The following PTGER3 variants were observed in gnomAD, a reference collection of about 807,000 sequenced individuals.
PTGER3 encodes the protein prostaglandin E2 receptor EP3 subtype.
In PTGER3, 22 loss-of-function variants were observed where a neutral mutation model predicts 34.7. That is an observed-to-expected ratio of 0.63 (90% CI 0.45 to 0.91). The LOEUF (loss-of-function observed/expected upper bound fraction) is 0.91. Among genes scored for constraint, PTGER3 ranks in the 40% least tolerant of loss-of-function variants. PTGER3 has a pLI of 0.00. For missense variants in PTGER3, 468 were observed against 519.4 expected (o/e 0.90, Z 0.96); for synonymous variants, 241 against 230.1 (o/e 1.05, Z -0.43).
At chr1:70,953,747 T>C in intron 3 of PTGER3, 3 of 1,530,510 alleles carry the variant, frequency 2.0e-6, no homozygotes, top group Non-Finnish European at 2.6e-6. Context: ...GTTTTAATAC[T>C]ATCTTTGCAA....
chr1:70,927,773 G>A (rs1298783985), intron 4 of PTGER3, among the ~76,000 whole-genome samples: 1 of 152,038 alleles, frequency 6.6e-6, no homozygotes, highest in Non-Finnish European at 1.5e-5. Context: ...AAGAGAACAG[G>A]AAAATATGAA....
At chr1:71,011,417 T>C in intron 2 of PTGER3, 5 of 985,226 alleles carry the variant, frequency 5.1e-6, no homozygotes, top group Non-Finnish European at 6.0e-6. Context: ...ATATTCAGAG[T>C]ACCTATAGTT....
chr1:70,985,767 A>C (rs539094299), intron 2 of PTGER3, among the ~76,000 whole-genome samples: 1 of 152,122 alleles, frequency 6.6e-6, no homozygotes, highest in African/African-American at 2.4e-5. Context: ...TTAAGTTTTC[A>C]TTTCTATGTT....
chr1:70,904,160 G>T (rs1179993451), intron 4 of PTGER3, among the ~76,000 whole-genome samples: 1 of 152,164 alleles, frequency 6.6e-6, no homozygotes, highest in Non-Finnish European at 1.5e-5. Context: ...GATGTGACTT[G>T]CTCCTCCTTG....
At chr1:70,979,878 T>C (rs545933970) in intron 2 of PTGER3, among the ~76,000 whole-genome samples, 4 of 152,310 alleles carry the variant, frequency 2.6e-5, no homozygotes, top group Admixed American at 2.6e-4. Flanking sequence ...GCACTGCTTC[T>C]TGAATCTTCA....
In PTGER3 at chr1:70,905,663, C is replaced by T. The variant is rs144641733; in HGVS notation, c.*23+48100G>A. On this transcript the variant is annotated intron_variant, in intron 4 of 4. Coordinates refer to the PTGER3 transcript ENST00000370931. Reference sequence around the variant, plus strand: ...ATTGGGAGTGGCTGTATCTACCCAACGCCTGTACCCTCATTGTATCTAGGA... The same window carrying T: ...ATTGGGAGTGGCTGTATCTACCCAATGCCTGTACCCTCATTGTATCTAGGA... Among the ~76,000 whole-genome samples the T allele has an allele frequency of 2.7e-3, 408 of 152,096 alleles. 2 individuals are homozygous for T. The highest frequency in any genetic ancestry group is 5.0e-3 in the South Asian group (24 of 4,818).
intron 4 of PTGER3, among the ~76,000 whole-genome samples, chr1:70,888,602 G>A (rs997341830): frequency 4.6e-5 from 7 of 152,060 alleles, no homozygotes; most frequent in African/African-American, 1.7e-4. Context: ...TAGATCTCTA[G>A]ACTTATTTAT....
At chr1:71,037,669 C>G (rs1049130779) in intron 1 of PTGER3, among the ~76,000 whole-genome samples, 2 of 152,094 alleles carry the variant, frequency 1.3e-5, no homozygotes, top group Non-Finnish European at 2.9e-5. Flanking sequence ...GAAGTGAGAA[C>G]TGAAAGGAGG....
chr1:71,007,378 G>C, intron 2 of PTGER3: 1 of 985,842 alleles, frequency 1.0e-6, no homozygotes, highest in Non-Finnish European at 1.2e-6. Context: ...TTTCAAGGAA[G>C]AGTTGGGAAG....
downstream of PTGER3, among the ~76,000 whole-genome samples, chr1:70,947,855 A>G (rs137995353): frequency 6.5e-3 from 997 of 152,308 alleles, 9 homozygotes; most frequent in Middle Eastern, 0.017. Context: ...TGTTCTAAAA[A>G]TGTTTACATA....
At chr1:70,852,909 A>C in intron 4 of PTGER3, 1 of 1,566,422 alleles carries the variant, frequency 6.4e-7, no homozygotes, top group Non-Finnish European at 8.8e-7. Context: ...ATGCACTGTT[A>C]ATATCTTAAA....
chr1:70,864,518 C>G (rs561717456), intron 4 of PTGER3, among the ~76,000 whole-genome samples: 21 of 152,144 alleles, frequency 1.4e-4, no homozygotes, highest in African/African-American at 5.1e-4. Context: ...GGGTCTTACA[C>G]CAAGGGAAAG....
rs1653064890 is a variant in PTGER3, at chr1:70,971,407, G to A, written c.*323C>T. ...CACTTTGGTTAAGATTCACGTAAAG[G>A]TTTGAAGTTGGAGAAAACTCCTGGA... is the stretch of plus-strand genomic sequence containing the variant. On this transcript the variant is annotated 3_prime_UTR_variant, in exon 4 of 4. Coordinates refer to ENST00000306666, the MANE Select transcript of PTGER3 (RefSeq NM_198719.2). 5.6e-6 allele frequency: 6 copies of A among 1,065,928 alleles called. 1 individual carries two copies. The South Asian group carries it at 2.7e-4, about 47-fold the overall frequency. 66.0% of individuals were successfully genotyped at this position (1,065,928 alleles called of 1,614,324 possible).
chr1:70,989,085 AC>A (rs1655194987), intron 2 of PTGER3, among the ~76,000 whole-genome samples: 3 of 152,246 alleles, frequency 2.0e-5, no homozygotes, highest in African/African-American at 7.2e-5. Flanking sequence ...GAGAGGTGAC[AC>A]AGTATCATAC....
At chr1:71,037,862 A>C (rs534012971) in intron 1 of PTGER3, among the ~76,000 whole-genome samples, 7 of 152,322 alleles carry the variant, frequency 4.6e-5, no homozygotes, top group Non-Finnish European at 8.8e-5. Flanking sequence ...TATGAAGCAG[A>C]GAGGAGTCCT....
rs373089922 is a variant in PTGER3, at chr1:71,029,648, G to A, written c.897+17033C>T. ...GGCACTTAAATCAGTTTCTATGGCCGGGCGTGATGGCTCACACCTGTAATC... is the reference window on the plus strand; with the variant it reads ...GGCACTTAAATCAGTTTCTATGGCCAGGCGTGATGGCTCACACCTGTAATC... On this transcript the variant is annotated intron_variant, in intron 1 of 3. Coordinates refer to ENST00000306666, the MANE Select transcript of PTGER3 (RefSeq NM_198719.2). Among the ~76,000 whole-genome samples, 135 of 152,148 alleles carry A rather than the reference G, an allele frequency of 8.9e-4. 1 individual carries two copies. Among genetic ancestry groups the A allele is most frequent in the African/African-American group, 1.3e-3 (54 of 41,504 alleles).
chr1:70,986,157 C>T (rs971477475), intron 2 of PTGER3, among the ~76,000 whole-genome samples: 1 of 152,100 alleles, frequency 6.6e-6, no homozygotes, highest in African/African-American at 2.4e-5. Context: ...CAGGAAGTTA[C>T]CCTATATGGT....
At chr1:70,915,788 G>A (rs747309164) in intron 4 of PTGER3, among the ~76,000 whole-genome samples, 1 of 151,754 alleles carries the variant, frequency 6.6e-6, no homozygotes, top group African/African-American at 2.4e-5. Context: ...TGAGTTTTCT[G>A]TTTCATTGGT....
chr1:71,016,549 T>A (rs1264616191), intron 1 of PTGER3, among the ~76,000 whole-genome samples: 3 of 152,148 alleles, frequency 2.0e-5, no homozygotes, highest in African/African-American at 7.2e-5. Context: ...ATGCCTGTAA[T>A]CCCAGCACTT....
Sources: allele counts gnomAD v4.1 joint callset (sites outside exome capture counted in the v4.1 genomes callset), GRCh38; gene constraint gnomAD v4.1.1; transcripts MANE v1.5; gene names NCBI Gene and HGNC (gene_info 2026-07-23, HGNC 2026-07-21).